NAV2: variants seen among roughly 807,000 people sequenced by gnomAD.
The protein encoded by NAV2 is neuron navigator 2.
A neutral mutation model predicts 223.2 loss-of-function variants in NAV2; 54 were observed. The observed-to-expected ratio is 0.24, with a 90% CI of 0.19 to 0.30. The LOEUF (loss-of-function observed/expected upper bound fraction) is 0.30. Ranked by LOEUF, NAV2 falls within the 10% of genes least tolerant of loss-of-function variation. The pLI, the probability that NAV2 is intolerant of heterozygous loss-of-function variation, is 1.00. For missense variants in NAV2, 2,806 were observed against 3,147.5 expected (o/e 0.89, Z 2.60); for synonymous variants, 1,279 against 1,239.3 (o/e 1.03, Z -0.67).
chr11:19,614,735 C>T (rs529669369), intron 1 of NAV2, among the ~76,000 whole-genome samples: 1 of 152,256 alleles, frequency 6.6e-6, no homozygotes, highest in East Asian at 1.9e-4. Flanking sequence ...GGCGTTTTCT[C>T]TGTAGCTGTG....
intron 1 of NAV2, among the ~76,000 whole-genome samples, chr11:19,725,117 G>A (rs2051131699): frequency 6.6e-6 from 1 of 152,226 alleles, no homozygotes; most frequent in Non-Finnish European, 1.5e-5. Context: ...AGCATTTTAT[G>A]TGGATTTTCC....
intron 6 of NAV2, among the ~76,000 whole-genome samples, chr11:19,911,555 T>C (rs1033378299): frequency 1.3e-5 from 2 of 152,170 alleles, no homozygotes; most frequent in Admixed American, 1.3e-4. Context: ...CAATAAATCC[T>C]TGTTGAAAGA....
intron 1 of NAV2, among the ~76,000 whole-genome samples, chr11:19,640,868 G>T (rs1240461378): frequency 6.6e-6 from 1 of 152,192 alleles, no homozygotes; most frequent in African/African-American, 2.4e-5. Flanking sequence ...CTGATGTCAA[G>T]CTAGGGATGG....
intron 1 of NAV2, among the ~76,000 whole-genome samples, chr11:19,396,278 A>G (rs1849444059): frequency 6.6e-6 from 1 of 152,144 alleles, no homozygotes; most frequent in Admixed American, 6.5e-5. Flanking sequence ...AGCTGTCTAT[A>G]CTATTATCCA....
At chr11:19,936,839 G>T (rs1011654491) in intron 7 of NAV2, among the ~76,000 whole-genome samples, 1 of 152,124 alleles carries the variant, frequency 6.6e-6, no homozygotes, top group South Asian at 2.1e-4. Flanking sequence ...AGGGGCTCAT[G>T]TTTAAAACCA....
rs184074380 is a variant in NAV2 at position 19,684,516 on chromosome 11, C to T, written c.76-147968C>T. Among the ~76,000 whole-genome samples the T allele has an allele frequency of 3.4e-3, 510 of 152,228 alleles. 4 individuals are homozygous for T. Among genetic ancestry groups the T allele is most frequent in the Non-Finnish European group, 5.9e-3 (403 of 67,994 alleles). On this transcript the variant is annotated intron_variant, in intron 1 of 37. Transcript: ENST00000360655. ...GATATACCCCTTAGTCTGGAGCACCCAAGCACTACCTAAATGCTGATTATC... is the reference window on the plus strand; with the variant it reads ...GATATACCCCTTAGTCTGGAGCACCTAAGCACTACCTAAATGCTGATTATC...
chr11:19,656,913 C>A (rs1425691411), intron 1 of NAV2, among the ~76,000 whole-genome samples: 3 of 152,158 alleles, frequency 2.0e-5, no homozygotes, highest in Non-Finnish European at 4.4e-5. Context: ...AAGGATATCA[C>A]CTAGGCTTTC....
chr11:19,765,415 C>G (rs1265207528), intron 1 of NAV2, among the ~76,000 whole-genome samples: 1 of 150,654 alleles, frequency 6.6e-6, no homozygotes, highest in Non-Finnish European at 1.5e-5. Context: ...CTCTCCCTCT[C>G]TCCCTCTCTC....
chr11:19,513,549 C>G (rs1429313211), intron 1 of NAV2, among the ~76,000 whole-genome samples: 1 of 152,142 alleles, frequency 6.6e-6, no homozygotes, highest in Non-Finnish European at 1.5e-5. Context: ...GGCCCTGTCC[C>G]CATGAAGCAC....
chr11:19,982,971 A>G (rs1401503481), intron 10 of NAV2, among the ~76,000 whole-genome samples: 1 of 152,182 alleles, frequency 6.6e-6, no homozygotes, highest in Admixed American at 6.5e-5. Flanking sequence ...TGTTTCAGAA[A>G]AATAATGACT....
chr11:19,511,247 C>G lies in NAV2; in HGVS notation c.75+160220C>G, dbSNP rs538658780. The G allele has an allele frequency of 2.6e-5, 4 of 152,340 alleles. No homozygotes were observed. The East Asian group carries it at 5.8e-4, about 22-fold the overall frequency. 9.4% of individuals were successfully genotyped at this position (152,340 alleles called of 1,614,324 possible). ...GAGAGCAGGCAAAGGTTTGGACCTG[C>G]CTTGTCATCCCACAGGACAGGTAGC... On this transcript the variant is annotated intron_variant, in intron 1 of 37. Coordinates refer to the NAV2 transcript ENST00000360655.
intron 1 of NAV2, among the ~76,000 whole-genome samples, chr11:19,747,055 C>T (rs1287535572): frequency 1.3e-5 from 1 of 79,464 alleles, no homozygotes; most frequent in Non-Finnish European, 2.5e-5. Context: ...CCCCCCACCC[C>T]ACAACAGTCC....
chr11:19,923,792 C>T (rs2044486457), intron 6 of NAV2, among the ~76,000 whole-genome samples: 1 of 152,106 alleles, frequency 6.6e-6, no homozygotes, highest in Non-Finnish European at 1.5e-5. Context: ...TTTCTACAGC[C>T]AATTTTGTAC....
At chr11:19,570,756 A>G (rs2045402806) in intron 1 of NAV2, among the ~76,000 whole-genome samples, 1 of 152,246 alleles carries the variant, frequency 6.6e-6, no homozygotes, top group Non-Finnish European at 1.5e-5. Flanking sequence ...ACACGCTAGG[A>G]TGGCTACAAT....
chr11:19,635,162 C>T (rs1433282048), intron 1 of NAV2, among the ~76,000 whole-genome samples: 1 of 152,162 alleles, frequency 6.6e-6, no homozygotes, highest in Non-Finnish European at 1.5e-5. Flanking sequence ...GAATATATAG[C>T]AGTATCGCAG....
intron 1 of NAV2, among the ~76,000 whole-genome samples, chr11:19,454,411 G>A (rs544206145): frequency 6.6e-6 from 1 of 152,328 alleles, no homozygotes; most frequent in African/African-American, 2.4e-5. Flanking sequence ...TATTGAAGGA[G>A]AATGGATGTT....
chr11:20,112,522 G>C (rs972441972), intron 36 of NAV2, among the ~76,000 whole-genome samples: 2 of 152,198 alleles, frequency 1.3e-5, no homozygotes, highest in African/African-American at 4.8e-5. Context: ...GGTCCCAGAT[G>C]GCACAGACAG....
intron 1 of NAV2, among the ~76,000 whole-genome samples, chr11:19,614,357 G>A (rs574949241): frequency 7.2e-5 from 11 of 152,254 alleles, no homozygotes; most frequent in East Asian, 1.9e-4. Flanking sequence ...CAGTGGTAGC[G>A]TGTGCCTTTC....
intron 1 of NAV2, among the ~76,000 whole-genome samples, chr11:19,718,671 A>C (rs1287938388): frequency 6.6e-6 from 1 of 151,290 alleles, no homozygotes; most frequent in Non-Finnish European, 1.5e-5. Flanking sequence ...AATGTATAGC[A>C]TGGTTATCTG....
Sources: gnomAD v4.1 joint callset for allele counts (sites outside exome capture counted in the v4.1 genomes callset) on GRCh38, gnomAD v4.1.1 for gene constraint, MANE v1.5 for transcripts, NCBI Gene and HGNC (gene_info 2026-07-23, HGNC 2026-07-21) for gene names.